Variants in DNAJC8 observed in about 807,000 individuals in gnomAD.
The protein encoded by DNAJC8 is dnaJ homolog subfamily C member 8.
A neutral mutation model predicts 43.2 loss-of-function variants in DNAJC8; 24 were observed. The observed-to-expected ratio is 0.56, with a 90% confidence interval of 0.40 to 0.78. The LOEUF is 0.78. DNAJC8 is among the 30% of genes least tolerant of loss of function. The probability of loss-of-function intolerance (pLI) is 0.00; values close to 1 mark genes in which losing one functional copy is unlikely to be tolerated. For synonymous variants in DNAJC8, 83 were observed against 98.0 expected, an observed-to-expected ratio of 0.85 and a Z score of 0.90; for missense variants, 207 against 299.4, an observed-to-expected ratio of 0.69 and a Z score of 2.28.
intron 8 of DNAJC8, among the ~76,000 whole-genome samples, chr1:28,203,491 A>C (rs1646750028): frequency 6.6e-6 from 1 of 152,220 alleles, no homozygotes; most frequent in South Asian, 2.1e-4. Context: ...TGAAACTGTT[A>C]GTGTGCTGTA....
At chr1:28,224,877 C>CT (rs2149023466) in intron 2 of DNAJC8, among the ~76,000 whole-genome samples, 1 of 142,690 alleles carries the variant, frequency 7.0e-6, no homozygotes, top group East Asian at 1.9e-4. Flanking sequence ...GAGTGAGACT[C>CT]TGTCACGAAA....
intron 2 of DNAJC8, among the ~76,000 whole-genome samples, chr1:28,218,015 G>A (rs774558358): frequency 2.6e-5 from 4 of 151,314 alleles, no homozygotes; most frequent in African/African-American, 4.9e-5. Context: ...GTTACTTGAC[G>A]TTGTTTTCCT....
intron 2 of DNAJC8, among the ~76,000 whole-genome samples, chr1:28,216,254 T>C (rs1371116193): frequency 6.6e-6 from 1 of 152,086 alleles, no homozygotes; most frequent in Non-Finnish European, 1.5e-5. Flanking sequence ...TGCGCCCCAC[T>C]CTCATAACTT....
intron 2 of DNAJC8, among the ~76,000 whole-genome samples, chr1:28,216,972 C>T (rs993782703): frequency 6.6e-6 from 1 of 151,744 alleles, no homozygotes; most frequent in Non-Finnish European, 1.5e-5. Context: ...CCACGCCCGG[C>T]TCATTTTGTA....
chr1:28,230,709 T>C (rs1365635462), intron 1 of DNAJC8, among the ~76,000 whole-genome samples: 2 of 152,206 alleles, frequency 1.3e-5, no homozygotes, highest in Admixed American at 6.6e-5. Flanking sequence ...AGACAGATCA[T>C]GGCTCACTGC....
chr1:28,214,976 T>C lies in DNAJC8; in HGVS notation c.201A>G (p.Glu67=), dbSNP rs763545421. The change falls in exon 3 of 9, where the codon GAA becomes GAG. Residue 67 remains glutamate (E), a synonymous_variant. Transcript: ENST00000263697. ...NPFEVLQIDP[E]VTDEEIKKRF... ...TCTTTTTTATTTCTTCATCTGTAAC[T>C]TCAGGATCTATCTGAAGAACCTGGA... 6 of 1,608,784 alleles carry C rather than the reference T, an allele frequency of 3.7e-6. No homozygotes were observed. In the African/African-American group the frequency reaches 8.0e-5, roughly 22 times the overall value.
At chr1:28,232,779 A>AC in intron 1 of DNAJC8, 142 bp downstream of exon 1, 1 of 782,904 alleles carries the variant, frequency 1.3e-6, no homozygotes, top group Non-Finnish European at 2.0e-6. Flanking sequence ...ACGCTCACAC[A>AC]CCCCCAGACC....
At chr1:28,210,481 T>A (rs143707959) in intron 4 of DNAJC8, 90 bp downstream of exon 4, 26 of 1,188,134 alleles carry the variant, frequency 2.2e-5, no homozygotes, top group Non-Finnish European at 3.2e-5. Flanking sequence ...AAGACAAAAC[T>A]ATAACAGTCT....
At chr1:28,223,170 A>G (rs1646910476) in intron 2 of DNAJC8, among the ~76,000 whole-genome samples, 1 of 152,214 alleles carries the variant, frequency 6.6e-6, no homozygotes. Flanking sequence ...CACAAGGTTC[A>G]GAGCCCAAAA....
At chr1:28,228,897 G>A in intron 2 of DNAJC8, 25 bp downstream of exon 2, 2 of 1,590,744 alleles carry the variant, frequency 1.3e-6, no homozygotes, top group Non-Finnish European at 1.7e-6. Flanking sequence ...CATTACAGAG[G>A]CCCTAGCAAC....
At chr1:28,203,162 A>G (rs1454765392) in intron 8 of DNAJC8, among the ~76,000 whole-genome samples, 1 of 152,202 alleles carries the variant, frequency 6.6e-6, no homozygotes, top group Non-Finnish European at 1.5e-5. Flanking sequence ...GAAGTGCAAC[A>G]GAAACAAAGT....
chr1:28,224,661 G>A (rs1317081744), intron 2 of DNAJC8, among the ~76,000 whole-genome samples: 2 of 152,034 alleles, frequency 1.3e-5, no homozygotes, highest in Non-Finnish European at 2.9e-5. Flanking sequence ...GAGGAGGGCG[G>A]ATCATGAGGT....
chr1:28,223,981 G>A (rs914590931), intron 2 of DNAJC8, among the ~76,000 whole-genome samples: 3 of 152,092 alleles, frequency 2.0e-5, no homozygotes, highest in African/African-American at 7.2e-5. Flanking sequence ...GTTAATTCCA[G>A]GCTGGGTCAG....
intron 3 of DNAJC8, among the ~76,000 whole-genome samples, 197 bp from the exon 4 acceptor site, chr1:28,210,834 A>T (rs1235332606): frequency 6.6e-6 from 1 of 152,214 alleles, no homozygotes. Context: ...ACCAAAAGGT[A>T]AAGGTACAAC....
chr1:28,210,095 T>A, intron 4 of DNAJC8, 29 bp from the exon 5 acceptor site: 1 of 1,593,992 alleles, frequency 6.3e-7, no homozygotes, highest in South Asian at 1.1e-5. Flanking sequence ...ATTAACTGTT[T>A]CTGCAAACAC....
At chr1:28,207,706 T>C (rs1180624601) in intron 6 of DNAJC8, among the ~76,000 whole-genome samples, 5 of 149,538 alleles carry the variant, frequency 3.3e-5, no homozygotes, top group African/African-American at 1.2e-4. Context: ...CCTCCCAAAT[T>C]TCTGGGATTA....
intron 8 of DNAJC8, among the ~76,000 whole-genome samples, chr1:28,203,534 A>T (rs115626543): frequency 0.022 from 3,410 of 152,242 alleles, 140 homozygotes; most frequent in African/African-American, 0.077. Flanking sequence ...TTAAAAATAA[A>T]TTTTAAAAAA....
rs1203723613 is a variant in DNAJC8, at chr1:28,204,059, AAAGT to A, written c.564-241_564-238del. On this transcript the variant is annotated intron_variant, in intron 7 of 8. Transcript: ENST00000263697. ...ACATAAATATCCTTGTTACACAGATAAAGTAACTAAAGCCCAGCCAAGAGCAATC... is the reference window on the plus strand; with the variant it reads ...ACATAAATATCCTTGTTACACAGATAAACTAAAGCCCAGCCAAGAGCAATC... Among the ~76,000 whole-genome samples, 8 of 152,346 alleles carry A rather than the reference AAAGT, an allele frequency of 5.3e-5. 1 individual carries two copies. Among genetic ancestry groups the A allele is most frequent in the Middle Eastern group, 6.8e-3 (2 of 294 alleles).
At chr1:28,205,796 G>A (rs898131104) in intron 6 of DNAJC8, among the ~76,000 whole-genome samples, 6 of 152,152 alleles carry the variant, frequency 3.9e-5, no homozygotes, top group Admixed American at 6.5e-5. Context: ...GCTGAGGCAG[G>A]AGAATCACTT....
Sources: gnomAD v4.1 joint callset for allele counts (sites outside exome capture counted in the v4.1 genomes callset) on GRCh38, gnomAD v4.1.1 for gene constraint, MANE v1.5 for transcripts, NCBI Gene and HGNC (gene_info 2026-07-23, HGNC 2026-07-21) for gene names.